NBAS: variants seen among roughly 807,000 people sequenced by gnomAD.
The protein encoded by NBAS is NBAS subunit of NRZ tethering complex, also known as NAG/BC035112 fusion.
In NBAS, 219 loss-of-function variants were observed where a neutral mutation model predicts 302.5. That is an observed-to-expected ratio of 0.72 (90% CI 0.65 to 0.81). The LOEUF (loss-of-function observed/expected upper bound fraction) is 0.81, where lower values mean the gene tolerates loss of function less well. NBAS is among the 30% of genes least tolerant of loss of function. The pLI is 0.00. For synonymous variants in NBAS, 1,118 were observed against 1,021.6 expected (o/e 1.09, Z -1.80); for missense variants, 2,932 against 2,841.6 (o/e 1.03, Z -0.72).
intron 21 of NBAS, among the ~76,000 whole-genome samples, chr2:15,451,755 A>C (rs1679024354): frequency 6.6e-6 from 1 of 152,186 alleles, no homozygotes; most frequent in Non-Finnish European, 1.5e-5. Flanking sequence ...ATCAAAAGAC[A>C]CTAGAAGTTC....
intron 47 of NBAS, among the ~76,000 whole-genome samples, chr2:15,221,998 C>A (rs1666968456): frequency 6.6e-6 from 1 of 152,206 alleles, no homozygotes; most frequent in Non-Finnish European, 1.5e-5. Context: ...TAGAGCAGAG[C>A]CTCAGTTCCC....
chr2:15,164,559 G>A (rs895024686), downstream of NBAS, among the ~76,000 whole-genome samples: 5 of 152,132 alleles, frequency 3.3e-5, no homozygotes, highest in African/African-American at 7.2e-5. Context: ...CACCCTGGGG[G>A]CCGCGTCCCA....
At chr2:15,137,485 G>GA in the NBAS span, among the ~76,000 whole-genome samples, 2 of 152,094 alleles carry the variant, frequency 1.3e-5, no homozygotes, top group Admixed American at 6.6e-5. Context: ...TGCCAGGTGA[G>GA]AAAAATGCAT....
chr2:15,466,763 C>A (rs968903889), intron 19 of NBAS, among the ~76,000 whole-genome samples: 1 of 151,900 alleles, frequency 6.6e-6, no homozygotes, highest in African/African-American at 2.4e-5. Context: ...CATGGCAAAA[C>A]CCTGTCTCTA....
At chr2:14,975,448 C>T in the NBAS span, among the ~76,000 whole-genome samples, 1 of 152,210 alleles carries the variant, frequency 6.6e-6, no homozygotes, top group Admixed American at 6.5e-5. Flanking sequence ...ACTTCTATCA[C>T]TTGGTTCACT....
chr2:15,537,079 C>G (rs1164091319), intron 7 of NBAS, among the ~76,000 whole-genome samples: 2 of 152,192 alleles, frequency 1.3e-5, no homozygotes, highest in Non-Finnish European at 2.9e-5. Flanking sequence ...GCCTGTACAT[C>G]TTGGGAAGCA....
the NBAS span, among the ~76,000 whole-genome samples, chr2:14,786,032 T>C: frequency 6.6e-6 from 1 of 152,224 alleles, no homozygotes; most frequent in African/African-American, 2.4e-5. Context: ...ATTCAACTTC[T>C]TCAAGGTTTA....
the NBAS span, among the ~76,000 whole-genome samples, chr2:14,882,005 T>C: frequency 6.6e-6 from 1 of 152,090 alleles, no homozygotes. Context: ...AAATGTCCCA[T>C]GTAACATCCA....
chr2:14,840,666 TA>T, the NBAS span, among the ~76,000 whole-genome samples: 1 of 152,002 alleles, frequency 6.6e-6, no homozygotes, highest in Non-Finnish European at 1.5e-5. Flanking sequence ...CATTCAAAAA[TA>T]TTGTATCTAG....
At chr2:15,473,698 G>A (rs751885554) in intron 15 of NBAS, among the ~76,000 whole-genome samples, 46 of 152,080 alleles carry the variant, frequency 3.0e-4, no homozygotes, top group Non-Finnish European at 5.7e-4. Flanking sequence ...TGGTCACCTC[G>A]GCTTCCCAAG....
At chr2:14,973,001 T>C in the NBAS span, among the ~76,000 whole-genome samples, 7 of 152,214 alleles carry the variant, frequency 4.6e-5, no homozygotes, top group African/African-American at 1.4e-4. Context: ...GCCCCTTCCC[T>C]GTGACACTGC....
chr2:15,326,644 G>C (rs1331749975), intron 38 of NBAS, among the ~76,000 whole-genome samples: 1 of 151,998 alleles, frequency 6.6e-6, no homozygotes, highest in Admixed American at 6.6e-5. Flanking sequence ...AATATGTATG[G>C]TACATATGTA....
At chr2:15,114,072 T>A in the NBAS span, among the ~76,000 whole-genome samples, 2 of 152,124 alleles carry the variant, frequency 1.3e-5, no homozygotes, top group Non-Finnish European at 2.9e-5. Context: ...CAGGAATCAA[T>A]CAGCAAACAC....
chr2:15,518,129 G>GAAAA, intron 9 of NBAS, among the ~76,000 whole-genome samples: 1 of 134,212 alleles, frequency 7.5e-6, no homozygotes. Context: ...AAGTCTAGGG[G>GAAAA]AAAAAAAAAA....
chr2:15,176,739 A>G (rs2125112359), intron 51 of NBAS, among the ~76,000 whole-genome samples: 1 of 152,272 alleles, frequency 6.6e-6, no homozygotes. Flanking sequence ...TGGTGTTCAA[A>G]AGTGTTGAAT....
intron 47 of NBAS, among the ~76,000 whole-genome samples, chr2:15,221,672 T>C (rs1284444878): frequency 6.6e-6 from 1 of 152,090 alleles, no homozygotes; most frequent in Non-Finnish European, 1.5e-5. Flanking sequence ...CAGAGGATAA[T>C]TAGAATGTAT....
intron 31 of NBAS, among the ~76,000 whole-genome samples, chr2:15,369,325 C>T (rs965777597): frequency 7.2e-5 from 11 of 152,106 alleles, no homozygotes; most frequent in African/African-American, 2.4e-4. Flanking sequence ...AGGTAGAGAA[C>T]TGAAACCACA....
the NBAS span, among the ~76,000 whole-genome samples, chr2:14,961,785 C>T: frequency 6.6e-6 from 1 of 152,092 alleles, no homozygotes; most frequent in African/African-American, 2.4e-5. Context: ...TAACCCTTCT[C>T]TATGATTTTC....
chr2:15,419,303 T>C (rs1360037081), intron 23 of NBAS, among the ~76,000 whole-genome samples: 1 of 151,184 alleles, frequency 6.6e-6, no homozygotes, highest in Admixed American at 6.6e-5. Context: ...TCTCATCTAA[T>C]CCACAGCAGA....
Sources: gnomAD v4.1 joint callset for allele counts (sites outside exome capture counted in the v4.1 genomes callset) on GRCh38, gnomAD v4.1.1 for gene constraint, MANE v1.5 for transcripts, NCBI Gene and HGNC (gene_info 2026-07-23, HGNC 2026-07-21) for gene names.